The following PTPRD variants were observed in gnomAD, a reference collection of about 807,000 sequenced individuals.
PTPRD encodes the protein receptor-type tyrosine-protein phosphatase delta.
A neutral mutation model predicts 214.5 loss-of-function variants in PTPRD; 34 were observed. The observed-to-expected ratio is 0.16, with a 90% CI of 0.12 to 0.21. PTPRD has a LOEUF of 0.21. Among genes scored for constraint, PTPRD ranks in the 10% least tolerant of loss-of-function variants. PTPRD has a pLI of 1.00. For missense variants in PTPRD, 2,545 were observed against 2,398.7 expected (o/e 1.06, Z -1.27); for synonymous variants, 1,128 against 845.7 (o/e 1.33, Z -5.79).
intron 8 of PTPRD, among the ~76,000 whole-genome samples, chr9:9,539,708 C>T (rs1014290200): frequency 6.6e-6 from 1 of 151,788 alleles, no homozygotes; most frequent in Non-Finnish European, 1.5e-5. Flanking sequence ...GAGTGTTGTC[C>T]ATTTGTGGAA....
chr9:8,965,417 A>G (rs1056301024), intron 11 of PTPRD, among the ~76,000 whole-genome samples: 1 of 151,324 alleles, frequency 6.6e-6, no homozygotes, highest in African/African-American at 2.4e-5. Flanking sequence ...TTTCTGCCTC[A>G]CTGATCTGTC....
At chr9:8,813,588 G>A (rs1425640221) in intron 11 of PTPRD, among the ~76,000 whole-genome samples, 2 of 152,016 alleles carry the variant, frequency 1.3e-5, no homozygotes, top group South Asian at 2.1e-4. Flanking sequence ...ACCCACGCTG[G>A]ACTCAAACTC....
At chr9:9,945,956 T>C (rs1015302729) in intron 4 of PTPRD, among the ~76,000 whole-genome samples, 1 of 142,708 alleles carries the variant, frequency 7.0e-6, no homozygotes, top group Non-Finnish European at 1.5e-5. Context: ...AAATTTAAAA[T>C]GATACAAATT....
chr9:9,306,427 G>T (rs1303354292), intron 9 of PTPRD, among the ~76,000 whole-genome samples: 1 of 151,454 alleles, frequency 6.6e-6, no homozygotes, highest in Non-Finnish European at 1.5e-5. Flanking sequence ...GCTGGGTGGG[G>T]TGTGGTCACA....
intron 2 of PTPRD, among the ~76,000 whole-genome samples, chr9:10,560,614 A>C (rs1025057861): frequency 1.3e-5 from 2 of 152,118 alleles, no homozygotes; most frequent in Non-Finnish European, 2.9e-5. Flanking sequence ...TGTCCAGTTT[A>C]ATCAAATATG....
At chr9:9,550,700 A>G (rs117023233) in intron 8 of PTPRD, among the ~76,000 whole-genome samples, 3,077 of 151,854 alleles carry the variant, frequency 0.02, 54 homozygotes, top group Non-Finnish European at 0.031. Context: ...GGGATAAACT[A>G]GTTGCAAATC....
At chr9:10,347,187 G>C (rs2097099193) in intron 2 of PTPRD, among the ~76,000 whole-genome samples, 1 of 151,740 alleles carries the variant, frequency 6.6e-6, no homozygotes, top group Admixed American at 6.6e-5. Context: ...TTCATTGTCT[G>C]CCACTGTTAT....
chr9:8,979,353 A>C (rs1305049149), intron 11 of PTPRD, among the ~76,000 whole-genome samples: 6 of 152,116 alleles, frequency 3.9e-5, no homozygotes, highest in Non-Finnish European at 8.8e-5. Flanking sequence ...TGGATATCAC[A>C]CCAAAGGCTC....
intron 8 of PTPRD, among the ~76,000 whole-genome samples, chr9:9,550,889 A>AATTTTAATTTACTAC (rs1434587881): frequency 1.3e-5 from 2 of 151,974 alleles, no homozygotes; most frequent in African/African-American, 4.8e-5. Context: ...AAATCACAAG[A>AATTTTAATTTACTAC]ACATATCACT....
chr9:8,797,514 C>G (rs1018525046), intron 11 of PTPRD, among the ~76,000 whole-genome samples: 13 of 152,190 alleles, frequency 8.5e-5, no homozygotes. Context: ...TGCACCATCA[C>G]ACACTATGAA....
At chr9:8,333,726 AC>A (rs1843757924) in intron 43 of PTPRD, among the ~76,000 whole-genome samples, 2 of 152,148 alleles carry the variant, frequency 1.3e-5, no homozygotes, top group African/African-American at 4.8e-5. Flanking sequence ...ATGTACATGG[AC>A]TAAATGCCCC....
chr9:10,451,813 C>T (rs2098843423), intron 2 of PTPRD, among the ~76,000 whole-genome samples: 1 of 151,980 alleles, frequency 6.6e-6, no homozygotes, highest in East Asian at 1.9e-4. Context: ...TTAGCTCCTT[C>T]TAAAACTATC....
intron 14 of PTPRD, among the ~76,000 whole-genome samples, chr9:8,618,914 G>GTTTTTTTTT (rs554282961): frequency 7.4e-5 from 5 of 67,834 alleles, no homozygotes; most frequent in African/African-American, 1.1e-4. Context: ...GTGTTTTTTT[G>GTTTTTTTTT]TTTTTTTTTT....
chr9:9,652,455 T>C (rs2154373744), intron 7 of PTPRD, among the ~76,000 whole-genome samples: 1 of 152,312 alleles, frequency 6.6e-6, no homozygotes, highest in Admixed American at 6.5e-5. Flanking sequence ...TTAGAGTTCT[T>C]GATATCACCA....
chr9:10,364,190 A>T (rs994714588), intron 2 of PTPRD, among the ~76,000 whole-genome samples: 1 of 151,478 alleles, frequency 6.6e-6, no homozygotes, highest in Non-Finnish European at 1.5e-5. Context: ...TTTAGTAGAG[A>T]TAGGGTTTCA....
At position 10,180,006 on chromosome 9, in the gene PTPRD, T is replaced by C. The variant is rs1345253549; in HGVS notation, c.-544-146216A>G. ...TGAAATAAGATATGACAACATATGA[T>C]AGCAATTAGAATAAATATTAGTAGG... On this transcript the variant is annotated intron_variant, in intron 3 of 45. Transcript: ENST00000381196. Among the ~76,000 whole-genome samples, 10 of 152,194 alleles carry C rather than the reference T, an allele frequency of 6.6e-5. 1 individual carries two copies. Among genetic ancestry groups the C allele is most frequent in the African/African-American group, 2.2e-4 (9 of 41,562 alleles).
chr9:8,758,985 T>C (rs2094216698), intron 11 of PTPRD, among the ~76,000 whole-genome samples: 1 of 151,368 alleles, frequency 6.6e-6, no homozygotes. Flanking sequence ...GCACCTGGCC[T>C]AACAGGGTCA....
intron 3 of PTPRD, among the ~76,000 whole-genome samples, chr9:10,179,868 A>G (rs990614995): frequency 6.6e-6 from 1 of 152,128 alleles, no homozygotes; most frequent in Non-Finnish European, 1.5e-5. Context: ...TTAGACAATA[A>G]CTGCAAAACT....
intron 14 of PTPRD, among the ~76,000 whole-genome samples, chr9:8,538,427 A>C (rs2140091608): frequency 6.6e-6 from 1 of 152,012 alleles, no homozygotes; most frequent in South Asian, 2.1e-4. Flanking sequence ...ACAAACCAAC[A>C]AGCTCAATCA....
Sources: allele counts gnomAD v4.1 joint callset (sites outside exome capture counted in the v4.1 genomes callset), GRCh38; gene constraint gnomAD v4.1.1; transcripts MANE v1.5; gene names NCBI Gene and HGNC (gene_info 2026-07-23, HGNC 2026-07-21).